The following SBNO1 variants were observed in gnomAD, a reference collection of about 807,000 sequenced individuals.
SBNO1 encodes the protein protein strawberry notch homolog 1.
A neutral mutation model predicts 173.6 loss-of-function variants in SBNO1; 23 were observed. That is an observed-to-expected ratio of 0.13 (90% CI 0.10 to 0.19). The LOEUF is 0.19. Ranked by LOEUF, SBNO1 falls within the 10% of genes least tolerant of loss-of-function variation. The probability of loss-of-function intolerance (pLI) is 1.00; values close to 1 mark genes in which losing one functional copy is unlikely to be tolerated. For missense variants in SBNO1, 1,238 were observed against 1,671.2 expected (o/e 0.74, Z 4.52); for synonymous variants, 632 against 571.5 (o/e 1.11, Z -1.51).
In SBNO1 at chr12:123,320,419, C is replaced by A. The variant is rs1219746990; in HGVS notation, c.2667+13G>T. 6.2e-7 allele frequency: 1 copy of A among 1,602,748 alleles called. No individual in the cohort carries two copies. The highest frequency in any genetic ancestry group is 8.5e-7 in the Non-Finnish European group (1 of 1,174,874). On this transcript the variant is annotated intron_variant, in intron 19 of 31. Coordinates refer to ENST00000602398, the MANE Select transcript of SBNO1 (RefSeq NM_001167856.3). ...ATGGCAAAAATGTCACCAAGAGATA[C>A]AGGCCTATTTACCTCAGCAACGTTC...
intron 7 of SBNO1, 140 bp downstream of exon 7, chr12:123,333,913 A>T: frequency 1.9e-6 from 1 of 539,742 alleles, no homozygotes; most frequent in Non-Finnish European, 3.1e-6. Context: ...TCTAAAATTT[A>T]ATTTTCCAAC....
At chr12:123,359,554 C>CA (rs62698860) in intron 1 of SBNO1, among the ~76,000 whole-genome samples, 128,683 of 136,920 alleles carry the variant, frequency 0.94, 60,478 homozygotes, top group Non-Finnish European at 0.95. Context: ...GACTCCGTCT[C>CA]AAAAAAAAAA....
At chr12:123,310,698 C>T (rs1396943024) in intron 25 of SBNO1, among the ~76,000 whole-genome samples, 1 of 151,112 alleles carries the variant, frequency 6.6e-6, no homozygotes. Context: ...CCAGGCCCGG[C>T]TAATTTTTGT....
At chr12:123,301,728 T>A (rs1406208236) in intron 30 of SBNO1, among the ~76,000 whole-genome samples, 2 of 152,102 alleles carry the variant, frequency 1.3e-5, no homozygotes, top group African/African-American at 4.8e-5. Context: ...TCCCTAGATC[T>A]GGGACACCAG....
intron 23 of SBNO1, 63 bp downstream of exon 23, chr12:123,315,310 G>C (rs1162661773): frequency 7.7e-7 from 1 of 1,292,200 alleles, no homozygotes; most frequent in Non-Finnish European, 1.1e-6. Flanking sequence ...CTTTCCTTTT[G>C]TGTTCCCGAA....
intron 2 of SBNO1, among the ~76,000 whole-genome samples, chr12:123,348,343 G>A (rs1421068611): frequency 2.0e-5 from 3 of 152,196 alleles, no homozygotes; most frequent in African/African-American, 7.2e-5. Context: ...ATTTTTGTAG[G>A]CCGGGAGTGG....
At chr12:123,342,108 G>A (rs935527112) in intron 4 of SBNO1, among the ~76,000 whole-genome samples, 13 of 151,954 alleles carry the variant, frequency 8.6e-5, no homozygotes, top group South Asian at 4.1e-4. Flanking sequence ...AAAATTAGCC[G>A]GGCATGGTGG....
At chr12:123,343,369 T>C (rs759951122) in intron 4 of SBNO1, among the ~76,000 whole-genome samples, 19 of 152,098 alleles carry the variant, frequency 1.2e-4, no homozygotes, top group Middle Eastern at 3.2e-3. Context: ...ACCAGAGAAA[T>C]TGTGACAGGT....
intron 7 of SBNO1, among the ~76,000 whole-genome samples, chr12:123,331,719 A>C (rs1871232681): frequency 6.6e-6 from 1 of 151,856 alleles, no homozygotes; most frequent in African/African-American, 2.4e-5. Context: ...AACGGGTTTC[A>C]CCATGTTAGC....
At chr12:123,316,764 G>A (rs113739544) in intron 21 of SBNO1, among the ~76,000 whole-genome samples, 7,017 of 146,400 alleles carry the variant, frequency 0.048, 290 homozygotes, top group East Asian at 0.25. Flanking sequence ...GTGCAATAGC[G>A]TGATCTCAGC....
chr12:123,362,118 C>A (rs183289019), intron 1 of SBNO1, among the ~76,000 whole-genome samples: 1 of 148,772 alleles, frequency 6.7e-6, no homozygotes, highest in Admixed American at 6.9e-5. Flanking sequence ...CCAGCCTGGG[C>A]GAGAGAGCGA....
At chr12:123,338,478 C>T (rs889951327) in intron 5 of SBNO1, among the ~76,000 whole-genome samples, 15 of 152,000 alleles carry the variant, frequency 9.9e-5, no homozygotes, top group Admixed American at 6.6e-4. Context: ...GTCAGGAGTT[C>T]AAGACCAGCC....
In SBNO1 at chr12:123,364,757, G is replaced by A. The variant is rs964286004; in HGVS notation, c.-57C>T. 49 of 989,214 alleles carry A rather than the reference G, an allele frequency of 5.0e-5. No homozygotes were observed. Among genetic ancestry groups the A allele is most frequent in the Non-Finnish European group, 5.4e-5 (45 of 832,612 alleles). The allele number at this position is 989,214 out of a possible 1,614,324, so 61.3% of individuals were successfully genotyped here. On this transcript the variant is annotated 5_prime_UTR_variant, in exon 1 of 32. Transcript: ENST00000602398. ...CCTCCCGGGAGGTGTGAGTTTGAAG[G>A]ACCAGAGGCGACTGGAGCGGAGGCG... is the stretch of plus-strand genomic sequence containing the variant.
chr12:123,329,154 T>G (rs954354342), intron 9 of SBNO1, among the ~76,000 whole-genome samples: 11 of 152,018 alleles, frequency 7.2e-5, no homozygotes, highest in African/African-American at 2.7e-4. Flanking sequence ...TCAAGGTGGG[T>G]GGATCGCTTG....
rs6488867 is a variant in SBNO1 at position 123,309,475 on chromosome 12, T to C, written c.3537+14A>G. 1,592,890 of 1,608,326 alleles carry C rather than the reference T, an allele frequency of 0.99. 789,821 individuals are homozygous for C. The highest frequency in any genetic ancestry group is 1 in the East Asian group (44,830 of 44,830). On this transcript the variant is annotated intron_variant, in intron 27 of 31. Transcript: ENST00000602398. ...CATGGGAAGACGATACTTCACAACA[T>C]TTTCTAAACTTACTGTGTATAATTC...
rs980918088 is a variant in SBNO1, at chr12:123,289,344, C to T, written c.*6564G>A. The T allele has an allele frequency of 1.3e-5, 2 of 152,214 alleles. No individual in the cohort carries two copies. Among genetic ancestry groups the T allele is most frequent in the Non-Finnish European group, 2.9e-5 (2 of 68,032 alleles). The allele number at this position is 152,214 out of a possible 1,614,324, so 9.4% of individuals were successfully genotyped here. On this transcript the variant is annotated 3_prime_UTR_variant, in exon 32 of 32. Transcript: ENST00000602398. ...ATAATCAATTCCGGACGCTTGGTAC[C>T]GTGCTCCCACGAAAGGCTGGATGCA...
intron 13 of SBNO1, 120 bp from the exon 14 acceptor site, chr12:123,326,454 C>T (rs747439906): frequency 3.7e-6 from 2 of 535,704 alleles, no homozygotes; most frequent in Non-Finnish European, 6.0e-6. Context: ...AATAAATCAT[C>T]TTTAGTAACT....
rs1480330048 is a variant in SBNO1 at position 123,289,842 on chromosome 12, CTTT to C, written c.*6063_*6065del. On this transcript the variant is annotated 3_prime_UTR_variant, in exon 32 of 32. Coordinates refer to ENST00000602398, the MANE Select transcript of SBNO1 (RefSeq NM_001167856.3). ...GGAGTCAGAAAGAGGGCTCAAGCTT[CTTT>C]ATCCTCTTCAGTGCCATAAATACTG... 6.6e-6 allele frequency: 1 copy of C among 152,236 alleles called. No homozygotes were observed. The highest frequency in any genetic ancestry group is 1.5e-5 in the Non-Finnish European group (1 of 68,046). The allele number at this position is 152,236 out of a possible 1,614,324, so 9.4% of individuals were successfully genotyped here.
At chr12:123,342,430 G>A (rs1361178913) in intron 4 of SBNO1, among the ~76,000 whole-genome samples, 3 of 151,856 alleles carry the variant, frequency 2.0e-5, no homozygotes, top group South Asian at 4.1e-4. Context: ...CAGCCTGGGC[G>A]ACAGATCAAG....
Sources: allele counts gnomAD v4.1 joint callset (sites outside exome capture counted in the v4.1 genomes callset), GRCh38; gene constraint gnomAD v4.1.1; transcripts MANE v1.5; gene names NCBI Gene and HGNC (gene_info 2026-07-23, HGNC 2026-07-21).